Variants in UCMA observed in about 807,000 individuals in gnomAD.
UCMA encodes upper zone of growth plate and cartilage matrix-associated protein.
UCMA carries 21 observed loss-of-function variants against 21.8 expected under a neutral mutation model. That is an observed-to-expected ratio of 0.97 (90% CI 0.68 to 1.39). The LOEUF (loss-of-function observed/expected upper bound fraction) is 1.39. Among genes scored for constraint, UCMA ranks in the 40% most tolerant of loss-of-function variants. The probability of loss-of-function intolerance (pLI) is 0.00; values close to 1 mark genes in which losing one functional copy is unlikely to be tolerated. For missense variants in UCMA, 193 were observed against 178.9 expected (o/e 1.08, Z -0.45); for synonymous variants, 76 against 67.9 (o/e 1.12, Z -0.58).
chr10:13,226,857 G>A (rs1191247821), intron 4 of UCMA, among the ~76,000 whole-genome samples: 1 of 152,132 alleles, frequency 6.6e-6, no homozygotes, highest in Admixed American at 6.5e-5. Flanking sequence ...CCTGCATCCT[G>A]AATTCATCAA....
chr10:13,233,862 A>G (rs1478733147), intron 1 of UCMA, 62 bp from the exon 2 acceptor site: 2 of 1,592,274 alleles, frequency 1.3e-6, no homozygotes, highest in African/African-American at 1.3e-5. Flanking sequence ...CCCTGAGCTG[A>G]GTCCCCATCT....
chr10:13,234,232 C>G lies in UCMA; in HGVS notation c.27G>C (p.Leu9=). ...GGAGCACCACGGCGGAGAAGCAAGACAGCAGGACGGCCTGTCTCCAAGTCA... is the reference window on the plus strand; with the variant it reads ...GGAGCACCACGGCGGAGAAGCAAGAGAGCAGGACGGCCTGTCTCCAAGTCA... MTWRQAVL[L]SCFSAVVLLS... Residue 9 remains leucine (L), a synonymous_variant, in exon 1 of 5, where the codon CTG becomes CTC. Coordinates refer to ENST00000378681, the MANE Select transcript of UCMA (RefSeq NM_145314.3). 1 of 1,613,322 alleles carries G rather than the reference C, an allele frequency of 6.2e-7. No individual in the cohort carries two copies. Among genetic ancestry groups the G allele is most frequent in the Non-Finnish European group, 8.5e-7 (1 of 1,179,866 alleles).
chr10:13,231,238 C>T (rs1363028169), intron 3 of UCMA, among the ~76,000 whole-genome samples: 2 of 152,128 alleles, frequency 1.3e-5, no homozygotes, highest in East Asian at 1.9e-4. Context: ...TCTTCCCAAA[C>T]GTCTGCCGTG....
chr10:13,230,454 A>G (rs898963614), intron 3 of UCMA, among the ~76,000 whole-genome samples: 2 of 152,188 alleles, frequency 1.3e-5, no homozygotes, highest in Non-Finnish European at 2.9e-5. Flanking sequence ...AAAGCTCTCT[A>G]CTTTCAAGGT....
At chr10:13,223,179 T>C (rs945846869) in intron 4 of UCMA, among the ~76,000 whole-genome samples, 2 of 145,616 alleles carry the variant, frequency 1.4e-5, no homozygotes, top group Admixed American at 1.4e-4. Context: ...TGAGCTGAGA[T>C]CACGCCACTG....
intron 1 of UCMA, 141 bp downstream of exon 1, chr10:13,234,060 T>G: frequency 1.4e-6 from 1 of 720,970 alleles, no homozygotes; most frequent in East Asian, 2.9e-5. Context: ...GTGTCCTACA[T>G]GCACACGACA....
At chr10:13,227,918 C>A (rs75460581) in intron 4 of UCMA, among the ~76,000 whole-genome samples, 1 of 151,822 alleles carries the variant, frequency 6.6e-6, no homozygotes, top group African/African-American at 2.4e-5. Context: ...ATCCTCTACC[C>A]GTGTCCCCAG....
chr10:13,234,097 G>T, intron 1 of UCMA, 104 bp downstream of exon 1: 1 of 1,082,388 alleles, frequency 9.2e-7, no homozygotes, highest in Non-Finnish European at 1.3e-6. Context: ...TTAACAATAA[G>T]CATACTCCTT....
intron 4 of UCMA, among the ~76,000 whole-genome samples, chr10:13,225,786 C>T (rs571467017): frequency 2.6e-4 from 40 of 151,836 alleles, no homozygotes; most frequent in Admixed American, 2.6e-4. Flanking sequence ...GGAAGTCAGA[C>T]GCCTTGAGCA....
At chr10:13,230,657 T>G (rs75170371) in intron 3 of UCMA, among the ~76,000 whole-genome samples, 3,727 of 152,226 alleles carry the variant, frequency 0.024, 147 homozygotes, top group African/African-American at 0.08. Context: ...TGGGGGGTGC[T>G]GAAGGAAGCA....
rs1485563097 is a variant in UCMA, at chr10:13,233,801, C to CT, written c.59-2dup. 6.2e-7 allele frequency: 1 copy of CT among 1,613,736 alleles called. No individual in the cohort carries two copies. Among genetic ancestry groups the CT allele is most frequent in the Admixed American group, 1.7e-5 (1 of 59,962 alleles). On this transcript the variant is annotated splice_acceptor_variant, in intron 1 of 4. Transcript: ENST00000378681. LOFTEE classifies it high-confidence loss of function. ...GATACACTGGTTCCCTCTCTCAGCA[C>CT]TGCAGGACAAGGGCACAGAGTGAGG...
chr10:13,233,865 C>T, intron 1 of UCMA, 65 bp from the exon 2 acceptor site: 1 of 1,588,190 alleles, frequency 6.3e-7, no homozygotes, highest in East Asian at 2.2e-5. Flanking sequence ...TGAGCTGAGT[C>T]CCCATCTCTC....
At chr10:13,229,791 T>A in intron 3 of UCMA, 82 bp from the exon 4 acceptor site, 2 of 1,165,146 alleles carry the variant, frequency 1.7e-6, no homozygotes, top group Non-Finnish European at 2.5e-6. Context: ...ACAGTTCATC[T>A]GAGAAGTCAC....
rs753915346 is a variant in UCMA, at chr10:13,229,600, A to G, written c.319+11T>C. The G allele has an allele frequency of 1.2e-6, 2 of 1,606,942 alleles. No homozygotes were observed. The highest frequency in any genetic ancestry group is 1.7e-6 in the Non-Finnish European group (2 of 1,173,874). On this transcript the variant is annotated intron_variant, in intron 4 of 4. Coordinates refer to ENST00000378681, the MANE Select transcript of UCMA (RefSeq NM_145314.3). ...CCACCTCCCTGAAGACACTGGCTGA[A>G]GAGCTCTTACCATCGTTTTGTTCCT...
At chr10:13,229,328 C>T (rs115163368) in intron 4 of UCMA, among the ~76,000 whole-genome samples, 1,803 of 151,806 alleles carry the variant, frequency 0.012, 27 homozygotes, top group African/African-American at 0.041. Context: ...CCAGCCTGGC[C>T]GACATGGCAA....
intron 4 of UCMA, among the ~76,000 whole-genome samples, chr10:13,229,303 A>G (rs1368151754): frequency 1.3e-5 from 2 of 151,744 alleles, no homozygotes; most frequent in African/African-American, 2.4e-5. Context: ...CCCTCCTCCA[A>G]TTAAAAGTTC....
rs181571921 is a variant in UCMA at position 13,223,939 on chromosome 10, A to G, written c.320-1739T>C. 2.0e-5 allele frequency among the ~76,000 whole-genome samples: 3 copies of G among 152,246 alleles called. No homozygotes were observed. In the East Asian group the frequency reaches 5.8e-4, roughly 29 times the overall value. On this transcript the variant is annotated intron_variant, in intron 4 of 4. Transcript: ENST00000378681. ...GGAATGGCGAGTTACTGCTTTATGA[A>G]TGCAGTTTCTGTATGAGGCTATGCA...
chr10:13,234,207 G>A lies in UCMA; in HGVS notation c.52C>T (p.Leu18=), dbSNP rs749127370. 6.2e-7 allele frequency: 1 copy of A among 1,613,286 alleles called. No homozygotes were observed. Reference sequence around the variant, plus strand: ...TTGACCCTCCTGTACTCACTAGACAGGAGCACCACGGCGGAGAAGCAAGAC... The same window carrying A: ...TTGACCCTCCTGTACTCACTAGACAAGAGCACCACGGCGGAGAAGCAAGAC... ...LLSCFSAVVL[L]SMLREGTSVS... The change falls in exon 1 of 5, where the codon CTG becomes TTG. Residue 18 remains leucine (L), a synonymous_variant. Transcript: ENST00000378681.
At chr10:13,232,394 AAG>A (rs3030194) in intron 3 of UCMA, among the ~76,000 whole-genome samples, 10,766 of 130,744 alleles carry the variant, frequency 0.082, 481 homozygotes, top group East Asian at 0.18. Flanking sequence ...AAAAAAAAAA[AAG>A]AGGACAGAAG....
Sources: allele counts gnomAD v4.1 joint callset (sites outside exome capture counted in the v4.1 genomes callset), GRCh38; gene constraint gnomAD v4.1.1; transcripts MANE v1.5; gene names NCBI Gene and HGNC (gene_info 2026-07-23, HGNC 2026-07-21).